Variants in SPOCK1 observed in about 807,000 individuals in gnomAD.
SPOCK1 encodes SPARC (osteonectin), cwcv and kazal like domains proteoglycan 1, also known as testican-1.
In SPOCK1, 23 loss-of-function variants were observed where a neutral mutation model predicts 55.3. That is an observed-to-expected ratio of 0.42 (90% confidence interval 0.30 to 0.59). SPOCK1 has a LOEUF of 0.59. Ranked by LOEUF, SPOCK1 falls within the 20% of genes least tolerant of loss-of-function variation. The pLI is 0.22. For missense variants in SPOCK1, 499 were observed against 552.5 expected, an observed-to-expected ratio of 0.90 and a Z score of 0.97; for synonymous variants, 226 against 221.0, an observed-to-expected ratio of 1.02 and a Z score of -0.20.
At chr5:137,397,492 A>G (rs928131318) in intron 2 of SPOCK1, among the ~76,000 whole-genome samples, 1 of 152,304 alleles carries the variant, frequency 6.6e-6, no homozygotes, top group Admixed American at 6.5e-5. Context: ...TCTCTTCACC[A>G]TAAGCTCCTC....
chr5:137,180,099 A>G (rs1475759243), intron 3 of SPOCK1, among the ~76,000 whole-genome samples: 1 of 152,160 alleles, frequency 6.6e-6, no homozygotes, highest in Non-Finnish European at 1.5e-5. Flanking sequence ...CTGAATGGGA[A>G]TCTACCTGGA....
intron 3 of SPOCK1, among the ~76,000 whole-genome samples, chr5:137,239,206 A>G (rs1756238423): frequency 6.6e-6 from 1 of 152,028 alleles, no homozygotes; most frequent in Non-Finnish European, 1.5e-5. Flanking sequence ...AAGCCTCTAT[A>G]AAAACCCTAA....
chr5:137,139,537 A>G (rs1754051996), intron 4 of SPOCK1, among the ~76,000 whole-genome samples: 1 of 152,158 alleles, frequency 6.6e-6, no homozygotes. Context: ...CTCAAGCTGG[A>G]GATATAAAGC....
At position 137,219,445 on chromosome 5, in the gene SPOCK1, G is replaced by T. The variant is rs142880272; in HGVS notation, c.232+47565C>A. Among the ~76,000 whole-genome samples, 1,401 of 152,262 alleles carry T rather than the reference G, an allele frequency of 9.2e-3. 16 individuals are homozygous for T. The highest frequency in any genetic ancestry group is 0.024 in the Middle Eastern group (7 of 294). On this transcript the variant is annotated intron_variant, in intron 3 of 10. Transcript: ENST00000394945. ...AATGGGCCTAATGAGCCAGGAATTG[G>T]CATTGCTGCAAATATGTTTCTTTAT...
chr5:137,046,491 A>G (rs1413132926), intron 6 of SPOCK1, among the ~76,000 whole-genome samples: 1 of 151,564 alleles, frequency 6.6e-6, no homozygotes, highest in Non-Finnish European at 1.5e-5. Context: ...TTGGTTTTGT[A>G]TCCTGAGACT....
At chr5:137,197,876 C>T (rs571183740) in intron 3 of SPOCK1, among the ~76,000 whole-genome samples, 2 of 152,234 alleles carry the variant, frequency 1.3e-5, no homozygotes, top group Non-Finnish European at 1.5e-5. Flanking sequence ...ATATAAAGTA[C>T]CTGATACAGT....
intron 3 of SPOCK1, among the ~76,000 whole-genome samples, chr5:137,218,064 C>T (rs1011824128): frequency 1.3e-5 from 2 of 152,180 alleles, no homozygotes; most frequent in Non-Finnish European, 2.9e-5. Flanking sequence ...CATGGCTAAT[C>T]AATTACAGAA....
At chr5:137,397,611 G>T (rs1297539158) in intron 2 of SPOCK1, among the ~76,000 whole-genome samples, 2 of 152,076 alleles carry the variant, frequency 1.3e-5, no homozygotes, top group East Asian at 3.9e-4. Flanking sequence ...GACTTTACCT[G>T]TCTGTCCTCT....
intron 6 of SPOCK1, among the ~76,000 whole-genome samples, chr5:137,029,235 C>T (rs1224684382): frequency 1.3e-5 from 2 of 152,284 alleles, no homozygotes; most frequent in South Asian, 2.1e-4. Flanking sequence ...GTGACCTCAT[C>T]CCTGAGAGAC....
Position 136,976,755 on chromosome 5 carries a change from G to C in SPOCK1, c.*1899C>G, listed in dbSNP as rs1435142548. 6.6e-6 allele frequency: 1 copy of C among 152,290 alleles called. No individual in the cohort carries two copies. The highest frequency in any genetic ancestry group is 2.4e-5 in the African/African-American group (1 of 41,442). The allele number at this position is 152,290 out of a possible 1,614,324, so 9.4% of individuals were successfully genotyped here. On this transcript the variant is annotated 3_prime_UTR_variant, in exon 11 of 11. Transcript: ENST00000394945. Reference sequence around the variant, plus strand: ...GTCTGTCTTCCTATGGGGAAAGTAAGTACAAAACCTCAGGGTTATTTACGA... The same window carrying C: ...GTCTGTCTTCCTATGGGGAAAGTAACTACAAAACCTCAGGGTTATTTACGA...
At chr5:137,109,130 A>C (rs1027645572) in intron 5 of SPOCK1, among the ~76,000 whole-genome samples, 1 of 152,168 alleles carries the variant, frequency 6.6e-6, no homozygotes, top group African/African-American at 2.4e-5. Context: ...CCACTTGCCC[A>C]AACAGTCCTG....
chr5:137,088,941 G>A (rs1439380953), intron 5 of SPOCK1, among the ~76,000 whole-genome samples: 4 of 152,236 alleles, frequency 2.6e-5, no homozygotes, highest in African/African-American at 9.6e-5. Flanking sequence ...CTAATTTGGT[G>A]TCTGGTCTTG....
chr5:137,194,789 A>G (rs1281875326), intron 3 of SPOCK1, among the ~76,000 whole-genome samples: 1 of 152,022 alleles, frequency 6.6e-6, no homozygotes, highest in Non-Finnish European at 1.5e-5. Flanking sequence ...GTCCACGAAG[A>G]CTCAGTGAAA....
intron 2 of SPOCK1, among the ~76,000 whole-genome samples, chr5:137,307,143 GT>G (rs1398479470): frequency 6.6e-6 from 1 of 152,176 alleles, no homozygotes; most frequent in Non-Finnish European, 1.5e-5. Context: ...CCAACGCCCA[GT>G]AAATATTTGT....
At chr5:137,379,279 AC>A (rs1304174996) in intron 2 of SPOCK1, among the ~76,000 whole-genome samples, 1 of 151,890 alleles carries the variant, frequency 6.6e-6, no homozygotes, top group East Asian at 1.9e-4. Context: ...CAGAATGAAA[AC>A]TTATTCTAGC....
chr5:137,144,668 G>T (rs1164770854), intron 3 of SPOCK1, among the ~76,000 whole-genome samples: 1 of 152,210 alleles, frequency 6.6e-6, no homozygotes, highest in Non-Finnish European at 1.5e-5. Flanking sequence ...AAGGCTCAGG[G>T]TGATGGATGC....
intron 3 of SPOCK1, 57 bp from the exon 4 acceptor site, chr5:137,140,751 T>TC: frequency 1.2e-6 from 1 of 803,256 alleles, no homozygotes; most frequent in Non-Finnish European, 1.7e-6. Context: ...AATTTAATTT[T>TC]TTTTTTTTTT....
At chr5:137,477,350 T>C (rs1753856884) in intron 2 of SPOCK1, among the ~76,000 whole-genome samples, 1 of 152,234 alleles carries the variant, frequency 6.6e-6, no homozygotes, top group South Asian at 2.1e-4. Context: ...CTTTATTTTA[T>C]GTTTTGTTTT....
intron 6 of SPOCK1, among the ~76,000 whole-genome samples, chr5:137,011,499 G>C (rs1354875877): frequency 6.6e-6 from 1 of 152,118 alleles, no homozygotes; most frequent in Non-Finnish European, 1.5e-5. Flanking sequence ...CAATTTCCCA[G>C]CATGTTTTTC....
Sources: allele counts gnomAD v4.1 joint callset (sites outside exome capture counted in the v4.1 genomes callset), GRCh38; gene constraint gnomAD v4.1.1; transcripts MANE v1.5; gene names NCBI Gene and HGNC (gene_info 2026-07-23, HGNC 2026-07-21).